DCANP1: variants seen among roughly 807,000 people sequenced by gnomAD.
DCANP1 encodes dendritic cell nuclear protein 1.
For missense variants in DCANP1, 328 were observed against 293.7 expected (o/e 1.12, Z -0.85); for synonymous variants, 139 against 124.2 (o/e 1.12, Z -0.79).
At position 135,446,357 on chromosome 5, in the gene DCANP1, T is replaced by C. The variant is rs1214382376; in HGVS notation, c.*17A>G. 6.3e-7 allele frequency: 1 copy of C among 1,580,022 alleles called. No individual in the cohort carries two copies. Reference sequence around the variant, plus strand: ...GTATGTCTGTGCATACTTGCGTGTGTGCACACGCACACATGTTCACTCAGG... The same window carrying C: ...GTATGTCTGTGCATACTTGCGTGTGCGCACACGCACACATGTTCACTCAGG... On this transcript the variant is annotated 3_prime_UTR_variant, in exon 1 of 1. Coordinates refer to ENST00000503143, the MANE Select transcript of DCANP1 (RefSeq NM_130848.3).
chr5:135,446,863 T>C lies in DCANP1; in HGVS notation c.246A>G (p.Arg82=). 1.2e-6 allele frequency: 2 copies of C among 1,613,874 alleles called. No homozygotes were observed. The highest frequency in any genetic ancestry group is 1.7e-6 in the Non-Finnish European group (2 of 1,179,818). The change falls in exon 1 of 1, where the codon CGA becomes CGG. Residue 82 remains arginine (R), a synonymous_variant. Coordinates refer to ENST00000503143, the MANE Select transcript of DCANP1 (RefSeq NM_130848.3). ...RNKTLPAGVL[R]EGAVQFLHRG... ...TGTGGAGGAATTGAACTGCCCCCTCTCGCAGGACCCCAGCTGGCAAGGTTT... is the reference window on the plus strand; with the variant it reads ...TGTGGAGGAATTGAACTGCCCCCTCCCGCAGGACCCCAGCTGGCAAGGTTT...
rs1337623507 is a variant in DCANP1 at position 135,446,239 on chromosome 5, G to A, written c.*135C>T. ...AGGATCACAGAACTATAGTAAGTGG[G>A]GGTGGGGACAAGAATTCTAACCCAG... On this transcript the variant is annotated 3_prime_UTR_variant, in exon 1 of 1. Transcript: ENST00000503143. 4 of 1,028,942 alleles carry A rather than the reference G, an allele frequency of 3.9e-6. No individual in the cohort carries two copies. Among genetic ancestry groups the A allele is most frequent in the Non-Finnish European group, 2.9e-6 (2 of 701,734 alleles). The allele number at this position is 1,028,942 out of a possible 1,614,324, so 63.7% of individuals were successfully genotyped here.
At position 135,447,186 on chromosome 5, in the gene DCANP1, T is replaced by G; in HGVS notation, c.-78A>C. On this transcript the variant is annotated 5_prime_UTR_variant, in exon 1 of 1. Transcript: ENST00000503143. Reference sequence around the variant, plus strand: ...CAAAATACATGTGGCTTCTTCTCCTTGCCAGCCCTACCAGGGCATCTCCCA... The same window carrying G: ...CAAAATACATGTGGCTTCTTCTCCTGGCCAGCCCTACCAGGGCATCTCCCA... The G allele has an allele frequency of 3.2e-6, 5 of 1,577,740 alleles. No homozygotes were observed. Among genetic ancestry groups the G allele is most frequent in the Non-Finnish European group, 4.3e-6 (5 of 1,152,022 alleles).
chr5:135,447,114 G>C lies in DCANP1; in HGVS notation c.-6C>G. 1 of 1,613,974 alleles carries C rather than the reference G, an allele frequency of 6.2e-7. No individual in the cohort carries two copies. Among genetic ancestry groups the C allele is most frequent in the Non-Finnish European group, 8.5e-7 (1 of 1,179,884 alleles). ...GTTGCTGCTCCGTAATGCATAGTTG[G>C]GGGACCATTTTGGTCAGTGACAGAT... On this transcript the variant is annotated 5_prime_UTR_variant, in exon 1 of 1. Coordinates refer to ENST00000503143, the MANE Select transcript of DCANP1 (RefSeq NM_130848.3).
In DCANP1 at chr5:135,445,040, T is replaced by C. The variant is rs4976298; in HGVS notation, c.*1334A>G. On this transcript the variant is annotated 3_prime_UTR_variant, in exon 1 of 1. Coordinates refer to ENST00000503143, the MANE Select transcript of DCANP1 (RefSeq NM_130848.3). ...GAGAGAGGGGTCAGACTAGAACCTA[T>C]GGAGACTTGGTGGGCAACAGGCCTG... 0.18 allele frequency: 28,138 copies of C among 152,148 alleles called. 2,797 individuals are homozygous for C. The highest frequency in any genetic ancestry group is 0.29 in the Admixed American group (4,408 of 15,280). The allele number at this position is 152,148 out of a possible 1,614,324, so 9.4% of individuals were successfully genotyped here. A position where few individuals can be genotyped will look rare whatever the true frequency, so the allele number is the denominator to read the frequency against.
Position 135,445,259 on chromosome 5 carries a change from G to A in DCANP1, c.*1115C>T, listed in dbSNP as rs1185623037. 1 of 152,208 alleles carries A rather than the reference G, an allele frequency of 6.6e-6. No homozygotes were observed. The highest frequency in any genetic ancestry group is 2.4e-5 in the African/African-American group (1 of 41,410). 9.4% of individuals were successfully genotyped at this position (152,208 alleles called of 1,614,324 possible). A position where few individuals can be genotyped will look rare whatever the true frequency, so the allele number is the denominator to read the frequency against. ...CACCACACAGAATCCCAAAACCCCA[G>A]GGTTCTGCTTGAGTTAGAGCTACAA... On this transcript the variant is annotated 3_prime_UTR_variant, in exon 1 of 1. Coordinates refer to ENST00000503143, the MANE Select transcript of DCANP1 (RefSeq NM_130848.3).
chr5:135,446,704 A>T lies in DCANP1; in HGVS notation c.405T>A (p.Ser135Arg), dbSNP rs755817931. The T allele has an allele frequency of 6.2e-7, 1 of 1,613,784 alleles. No homozygotes were observed. The highest frequency in any genetic ancestry group is 8.5e-7 in the Non-Finnish European group (1 of 1,179,720). Reference sequence around the variant, plus strand: ...GAACTGTGAACGGGTAGAGTCTGAAACTACAAACCAGATGTTTCCGGGCTC... The same window carrying T: ...GAACTGTGAACGGGTAGAGTCTGAATCTACAAACCAGATGTTTCCGGGCTC... ...REGARKHLVC[S>R]FRLYPFTVHT... is the part of the protein sequence containing the mutation. The change falls in exon 1 of 1, where the codon AGT (serine) becomes AGA (arginine). Residue 135 changes from serine to arginine, a missense_variant. Transcript: ENST00000503143.
Position 135,447,087 on chromosome 5 carries a change from G to A in DCANP1, c.22C>T (p.His8Tyr), listed in dbSNP as rs1580655090. The change falls in exon 1 of 1, where the codon CAC (histidine) becomes TAC (tyrosine). Residue 8 changes from histidine (H) to tyrosine (Y), a missense_variant. Transcript: ENST00000503143. MHYGAAT[H>Y]IQNSRSHGLE... The stretch of plus-strand genomic sequence containing the variant: ...CCGTGGCTTCTCGAGTTCTGTATGT[G>A]GGTTGCTGCTCCGTAATGCATAGTT... 6.2e-7 allele frequency: 1 copy of A among 1,614,034 alleles called. No homozygotes were observed.
rs1182700792 is a variant in DCANP1, at chr5:135,447,279, A to G, written c.-171T>C. On this transcript the variant is annotated 5_prime_UTR_variant, in exon 1 of 1. Coordinates refer to ENST00000503143, the MANE Select transcript of DCANP1 (RefSeq NM_130848.3). ...GATTAAAATCCCCTCCCTGTTGCCT[A>G]CCAGGTCCGTGGCTACAACTAAATC... is the stretch of plus-strand genomic sequence containing the variant. 3.9e-6 allele frequency: 3 copies of G among 773,256 alleles called. No homozygotes were observed. In the Admixed American group the frequency reaches 8.3e-5, roughly 21 times the overall value. 47.9% of individuals were successfully genotyped at this position (773,256 alleles called of 1,614,324 possible). A position where few individuals can be genotyped will look rare whatever the true frequency, so the allele number is the denominator to read the frequency against.
rs1264149855 is a variant in DCANP1 at position 135,447,024 on chromosome 5, C to G, written c.85G>C (p.Gly29Arg). The change falls in exon 1 of 1, where the codon GGA (glycine) becomes CGA (arginine). Residue 29 changes from glycine (G) to arginine (R), a missense_variant. Transcript: ENST00000503143. ...TVPGHQRLER[G>R]AGGETPEFPG... is the part of the protein sequence containing the mutation. ...AACTCTGGGGTTTCCCCACCAGCTCCTCTCTCCAGTCTTTGGTGTCCAGGT... is the reference window on the plus strand; with the variant it reads ...AACTCTGGGGTTTCCCCACCAGCTCGTCTCTCCAGTCTTTGGTGTCCAGGT... The G allele has an allele frequency of 1.2e-6, 2 of 1,613,822 alleles. No individual in the cohort carries two copies. The highest frequency in any genetic ancestry group is 2.7e-5 in the African/African-American group (2 of 74,942).
In DCANP1 at chr5:135,445,175, C is replaced by G. The variant is rs1769233172; in HGVS notation, c.*1199G>C. Reference sequence around the variant, plus strand: ...CTCTGCAGGGGACAGGAAGTGCTGACTGAGAACTGTCTCTCTGTGACATGC... The same window carrying G: ...CTCTGCAGGGGACAGGAAGTGCTGAGTGAGAACTGTCTCTCTGTGACATGC... On this transcript the variant is annotated 3_prime_UTR_variant, in exon 1 of 1. Coordinates refer to ENST00000503143, the MANE Select transcript of DCANP1 (RefSeq NM_130848.3). 1 of 152,152 alleles carries G rather than the reference C, an allele frequency of 6.6e-6. No homozygotes were observed. The highest frequency in any genetic ancestry group is 1.5e-5 in the Non-Finnish European group (1 of 68,044). 9.4% of individuals were successfully genotyped at this position (152,152 alleles called of 1,614,324 possible). A position where few individuals can be genotyped will look rare whatever the true frequency, so the allele number is the denominator to read the frequency against.
rs1487116843 is a variant in DCANP1 at position 135,445,779 on chromosome 5, C to G, written c.*595G>C. On this transcript the variant is annotated 3_prime_UTR_variant, in exon 1 of 1. Coordinates refer to ENST00000503143, the MANE Select transcript of DCANP1 (RefSeq NM_130848.3). ...GACTTCCTCATGGCAGAGCCCCACACTGTGGCTGTTTATGGAGCATTTGCA... is the reference window on the plus strand; with the variant it reads ...GACTTCCTCATGGCAGAGCCCCACAGTGTGGCTGTTTATGGAGCATTTGCA... 2 of 152,728 alleles carry G rather than the reference C, an allele frequency of 1.3e-5. No homozygotes were observed. The highest frequency in any genetic ancestry group is 4.8e-5 in the African/African-American group (2 of 41,458). The allele number at this position is 152,728 out of a possible 1,614,324, so 9.5% of individuals were successfully genotyped here.
At position 135,446,229 on chromosome 5, in the gene DCANP1, T is replaced by C. The variant is rs1358334148; in HGVS notation, c.*145A>G. The C allele has an allele frequency of 1.2e-4, 113 of 955,122 alleles. No homozygotes were observed. Among genetic ancestry groups the C allele is most frequent in the East Asian group, 3.9e-4 (16 of 40,568 alleles). 59.2% of individuals were successfully genotyped at this position (955,122 alleles called of 1,614,324 possible). ...TTACTTGTCCAGGATCACAGAACTA[T>C]AGTAAGTGGGGGTGGGGACAAGAAT... On this transcript the variant is annotated 3_prime_UTR_variant, in exon 1 of 1. Coordinates refer to ENST00000503143, the MANE Select transcript of DCANP1 (RefSeq NM_130848.3).
In DCANP1 at chr5:135,446,400, G is replaced by T; in HGVS notation, c.709C>A (p.Arg237Ser). 1 of 1,607,948 alleles carries T rather than the reference G, an allele frequency of 6.2e-7. No homozygotes were observed. Among genetic ancestry groups the T allele is most frequent in the Non-Finnish European group, 8.5e-7 (1 of 1,175,182 alleles). ...CACTCAGGCACGTGGGCTGCCCTGC[G>T]GTGGGAGCTGAGAGAATGCAGTGGA... ...QPPLHSLSSH[R>S]RAAHVPE The change falls in exon 1 of 1, where the codon CGC (arginine) becomes AGC (serine). Residue 237 changes from arginine (R) to serine (S), a missense_variant. Transcript: ENST00000503143.
rs1490835331 is a variant in DCANP1, at chr5:135,446,637, C to G, written c.472G>C (p.Val158Leu). 6.2e-7 allele frequency: 1 copy of G among 1,614,042 alleles called. No homozygotes were observed. Among genetic ancestry groups the G allele is most frequent in the South Asian group, 1.1e-5 (1 of 91,084 alleles). ...GGGCAGAGCTTAACTGCCTTAAAAA[C>G]TTGGTACAGGGCAAGGTGTGAGTTT... ...PGNSHLALYQVFKAVKLCPSE... is the reference protein window; with the variant it reads ...PGNSHLALYQLFKAVKLCPSE... The change falls in exon 1 of 1, where the codon GTT becomes CTT. Residue 158 changes from valine to leucine, a missense_variant. Coordinates refer to ENST00000503143, the MANE Select transcript of DCANP1 (RefSeq NM_130848.3).
In DCANP1 at chr5:135,447,270, C is replaced by T. The variant is rs1395101809; in HGVS notation, c.-162G>A. ...CAAGGAGCAGATTAAAATCCCCTCC[C>T]TGTTGCCTACCAGGTCCGTGGCTAC... On this transcript the variant is annotated 5_prime_UTR_variant, in exon 1 of 1. Transcript: ENST00000503143. 1 of 819,386 alleles carries T rather than the reference C, an allele frequency of 1.2e-6. No individual in the cohort carries two copies. Among genetic ancestry groups the T allele is most frequent in the African/African-American group, 1.7e-5 (1 of 57,684 alleles). 50.8% of individuals were successfully genotyped at this position (819,386 alleles called of 1,614,324 possible).
In DCANP1 at chr5:135,446,494, C is replaced by G. The variant is rs778257691; in HGVS notation, c.615G>C (p.Ser205=). ...NRQAGFRAWS[S]HLISLSLTCS... is the part of the protein sequence containing the mutation. ...AGGTGAGGGATAGTGATATCAAGTGCGAAGACCAGGCCCTGAAGCCAGCCT... is the reference window on the plus strand; with the variant it reads ...AGGTGAGGGATAGTGATATCAAGTGGGAAGACCAGGCCCTGAAGCCAGCCT... The change falls in exon 1 of 1, where the codon TCG becomes TCC. Residue 205 remains serine (S), a synonymous_variant. Coordinates refer to ENST00000503143, the MANE Select transcript of DCANP1 (RefSeq NM_130848.3). The G allele has an allele frequency of 6.2e-7, 1 of 1,613,936 alleles. No homozygotes were observed. The highest frequency in any genetic ancestry group is 8.5e-7 in the Non-Finnish European group (1 of 1,179,888).
In DCANP1 at chr5:135,444,308, A is replaced by G. The variant is rs1004116240; in HGVS notation, c.*2066T>C. On this transcript the variant is annotated 3_prime_UTR_variant, in exon 1 of 1. Transcript: ENST00000503143. Reference sequence around the variant, plus strand: ...CAGCCCTGCAATTCAAATAGGGTTCATTAAATTCGGCATCTCCTCTTAACT... The same window carrying G: ...CAGCCCTGCAATTCAAATAGGGTTCGTTAAATTCGGCATCTCCTCTTAACT... 6.6e-6 allele frequency: 1 copy of G among 152,242 alleles called. No homozygotes were observed. The highest frequency in any genetic ancestry group is 6.5e-5 in the Admixed American group (1 of 15,288). The allele number at this position is 152,242 out of a possible 1,614,324, so 9.4% of individuals were successfully genotyped here.
Position 135,445,261 on chromosome 5 carries a change from G to T in DCANP1, c.*1113C>A, listed in dbSNP as rs1769235379. 1 of 152,190 alleles carries T rather than the reference G, an allele frequency of 6.6e-6. No homozygotes were observed. The highest frequency in any genetic ancestry group is 2.4e-5 in the African/African-American group (1 of 41,396). 9.4% of individuals were successfully genotyped at this position (152,190 alleles called of 1,614,324 possible). A position where few individuals can be genotyped will look rare whatever the true frequency, so the allele number is the denominator to read the frequency against. On this transcript the variant is annotated 3_prime_UTR_variant, in exon 1 of 1. Transcript: ENST00000503143. The stretch of plus-strand genomic sequence containing the variant: ...CCACACAGAATCCCAAAACCCCAGG[G>T]TTCTGCTTGAGTTAGAGCTACAAAG...
Sources: gnomAD v4.1 joint callset for allele counts on GRCh38, gnomAD v4.1.1 for gene constraint, MANE v1.5 for transcripts, NCBI Gene and HGNC (gene_info 2026-07-23, HGNC 2026-07-21) for gene names.